PRKCA: variants seen among roughly 807,000 people sequenced by gnomAD.
PRKCA encodes protein kinase C alpha.
Under a neutral mutation model 87.0 loss-of-function variants are expected in PRKCA, and 27 were observed. The observed-to-expected ratio is 0.31, with a 90% CI of 0.23 to 0.43. PRKCA has a LOEUF of 0.43. Among genes scored for constraint, PRKCA ranks in the 20% least tolerant of loss-of-function variants. The pLI, the probability that PRKCA is intolerant of heterozygous loss-of-function variation, is 1.00. For missense variants in PRKCA, 518 were observed against 852.3 expected, an observed-to-expected ratio of 0.61 and a Z score of 4.88; for synonymous variants, 329 against 311.1, an observed-to-expected ratio of 1.06 and a Z score of -0.61.
chr17:66,735,245 A>G (rs1420588437), intron 9 of PRKCA, among the ~76,000 whole-genome samples: 1 of 152,244 alleles, frequency 6.6e-6, no homozygotes, highest in Non-Finnish European at 1.5e-5. Flanking sequence ...TAGTGCCATT[A>G]TGTGGCAGTG....
chr17:66,685,121 G>C (rs529110129), intron 5 of PRKCA, among the ~76,000 whole-genome samples: 1 of 152,116 alleles, frequency 6.6e-6, no homozygotes, highest in Non-Finnish European at 1.5e-5. Flanking sequence ...AAAGGAGTCC[G>C]GAACATCATG....
intron 8 of PRKCA, among the ~76,000 whole-genome samples, chr17:66,718,092 C>T (rs533312821): frequency 3.8e-4 from 58 of 152,314 alleles, no homozygotes; most frequent in African/African-American, 1.3e-3. Flanking sequence ...ATTAGCTCCC[C>T]TTCTGTCTTA....
At chr17:66,403,358 T>G (rs1911151493) in intron 2 of PRKCA, among the ~76,000 whole-genome samples, 1 of 152,210 alleles carries the variant, frequency 6.6e-6, no homozygotes, top group Admixed American at 6.5e-5. Flanking sequence ...TATTGGATGA[T>G]GTATTATTCC....
At chr17:66,714,636 G>A (rs981269364) in intron 8 of PRKCA, among the ~76,000 whole-genome samples, 11 of 152,344 alleles carry the variant, frequency 7.2e-5, no homozygotes, top group African/African-American at 1.4e-4. Context: ...CACCAGCCCC[G>A]AGCTCTGATC....
At chr17:66,568,692 T>A (rs1968972177) in intron 3 of PRKCA, among the ~76,000 whole-genome samples, 1 of 152,198 alleles carries the variant, frequency 6.6e-6, no homozygotes, top group Non-Finnish European at 1.5e-5. Context: ...CATTTAATTT[T>A]GAGATGATTT....
Position 66,689,044 on chromosome 17 carries a change from C to A in PRKCA, c.915C>A (p.Phe305Leu). The change falls in exon 8 of 17, where the codon TTC becomes TTA. Residue 305 changes from phenylalanine (F) to leucine (L), a missense_variant. Physicochemically the swap from Phe to Leu is conservative, Grantham distance 22 (BLOSUM62 0). Coordinates refer to ENST00000413366, the MANE Select transcript of PRKCA (RefSeq NM_002737.3). This position sits in a 1 kb window ranked among gnomAD's most constrained non-coding sequence, Gnocchi z 4.1. ...EEGNMELRQK[F>L]EKAKLGPAGN... ...GAAACATGGAACTCAGGCAGAAATT[C>A]GAGGTGAGGATAACAAAATGCCCGG... is the stretch of plus-strand genomic sequence containing the variant. The A allele has an allele frequency of 6.3e-7, 1 of 1,586,488 alleles. No homozygotes were observed. Among genetic ancestry groups the A allele is most frequent in the Non-Finnish European group, 8.6e-7 (1 of 1,164,326 alleles).
intron 3 of PRKCA, among the ~76,000 whole-genome samples, chr17:66,619,052 G>A (rs1285215076): frequency 2.0e-5 from 3 of 152,036 alleles, no homozygotes. Context: ...GAGAATGTAG[G>A]GCTTTATAGA....
At chr17:66,659,016 A>T (rs1356393255) in intron 5 of PRKCA, among the ~76,000 whole-genome samples, 1 of 152,244 alleles carries the variant, frequency 6.6e-6, no homozygotes, top group African/African-American at 2.4e-5. Context: ...TAAAGATTTT[A>T]ACTGGCTGTG....
chr17:66,724,559 A>G (rs1973696334), intron 8 of PRKCA, among the ~76,000 whole-genome samples: 2 of 152,324 alleles, frequency 1.3e-5, no homozygotes, highest in African/African-American at 4.8e-5. Context: ...AGCCCAGTGC[A>G]TGCTCTGCTC....
At chr17:66,308,922 C>G (rs938409098) in intron 2 of PRKCA, among the ~76,000 whole-genome samples, 1 of 151,818 alleles carries the variant, frequency 6.6e-6, no homozygotes, top group Non-Finnish European at 1.5e-5. Flanking sequence ...GATAGAACAT[C>G]ATTCTTCTGC....
In PRKCA at chr17:66,558,896, C is replaced by T. The variant is rs76962892; in HGVS notation, c.288+62613C>T. On this transcript the variant is annotated intron_variant, in intron 3 of 16. Coordinates refer to ENST00000413366, the MANE Select transcript of PRKCA (RefSeq NM_002737.3). The stretch of plus-strand genomic sequence containing the variant: ...CAGTTCAGAATGATGACCCTCGGAC[C>T]GGGCATGCTTCTCAGTTAACATCTG... 8.1e-3 allele frequency among the ~76,000 whole-genome samples: 1,228 copies of T among 152,226 alleles called. 17 individuals are homozygous for T. Among genetic ancestry groups the T allele is most frequent in the African/African-American group, 0.027 (1,141 of 41,532 alleles).
At chr17:66,549,598 A>G (rs1013718953) in intron 3 of PRKCA, among the ~76,000 whole-genome samples, 3 of 152,166 alleles carry the variant, frequency 2.0e-5, no homozygotes, top group African/African-American at 7.2e-5. Context: ...GATTTCACAT[A>G]AATTGATATT....
chr17:66,643,358 A>G lies in PRKCA; in HGVS notation c.400+1892A>G, dbSNP rs78612584. Among the ~76,000 whole-genome samples the G allele has an allele frequency of 2.1e-3, 320 of 152,328 alleles. 7 individuals carry two copies. In the East Asian group the frequency reaches 0.056, roughly 27 times the overall value. On this transcript the variant is annotated intron_variant, in intron 4 of 16. Transcript: ENST00000413366. ...TTTTTGGATGCTGTACTACTTTAAC[A>G]TAATGCAAAAATAAATGAGATGTGG...
intron 2 of PRKCA, among the ~76,000 whole-genome samples, chr17:66,311,902 A>G (rs1461119822): frequency 1.3e-5 from 2 of 152,202 alleles, no homozygotes; most frequent in East Asian, 1.9e-4. Flanking sequence ...TGGAGAGGCT[A>G]TTTATCCTCA....
At chr17:66,372,202 A>C (rs1909154552) in intron 2 of PRKCA, among the ~76,000 whole-genome samples, 1 of 152,216 alleles carries the variant, frequency 6.6e-6, no homozygotes, top group Middle Eastern at 3.2e-3. Context: ...GCACTGACAC[A>C]GGCGGTCTGT....
rs73993699 is a variant in PRKCA at position 66,450,021 on chromosome 17, G to T, written c.206-46180G>T. 6.3e-3 allele frequency among the ~76,000 whole-genome samples: 931 copies of T among 147,648 alleles called. 9 individuals are homozygous for T. Among genetic ancestry groups the T allele is most frequent in the African/African-American group, 0.021 (856 of 40,378 alleles). On this transcript the variant is annotated intron_variant, in intron 2 of 16. Coordinates refer to ENST00000413366, the MANE Select transcript of PRKCA (RefSeq NM_002737.3). ...GGGAGTGGGAGTGTTTTTTGTTTTT[G>T]TTTTTTTTTTAAGCATTGTTTATAG...
In PRKCA at chr17:66,631,185, G is replaced by A. The variant is rs151279616; in HGVS notation, c.289-10170G>A. ...ACTGAAAGTTAGAAGTGATTTGTTA[G>A]CAGTATAATCTAGTCTCTTCATTCC... On this transcript the variant is annotated intron_variant, in intron 3 of 16. Transcript: ENST00000413366. Among the ~76,000 whole-genome samples, 835 of 152,274 alleles carry A rather than the reference G, an allele frequency of 5.5e-3. 12 individuals carry two copies. The highest frequency in any genetic ancestry group is 0.017 in the African/African-American group (723 of 41,542).
intron 2 of PRKCA, among the ~76,000 whole-genome samples, chr17:66,495,954 T>C (rs932978508): frequency 1.3e-5 from 2 of 152,132 alleles, no homozygotes; most frequent in Non-Finnish European, 2.9e-5. Flanking sequence ...CTCCCTCAAC[T>C]TCAGAGAGTA....
chr17:66,556,323 CT>C (rs61549626), intron 3 of PRKCA, among the ~76,000 whole-genome samples: 142 of 128,960 alleles, frequency 1.1e-3, no homozygotes, highest in Middle Eastern at 4.4e-3. Context: ...CTTTCTTCTT[CT>C]TTTTTTTTTT....
Sources: gnomAD v4.1 joint callset for allele counts (sites outside exome capture counted in the v4.1 genomes callset) on GRCh38, gnomAD v4.1.1 for gene constraint, Gnocchi (gnomAD v3.1) non-coding constraint, MANE v1.5 for transcripts, NCBI Gene and HGNC (gene_info 2026-07-23, HGNC 2026-07-21) for gene names.